MAP2: variants seen among roughly 807,000 people sequenced by gnomAD.
MAP2 encodes microtubule associated protein 2, also known as microtubule-associated protein 2.
Under a neutral mutation model 137.6 loss-of-function variants are expected in MAP2, and 14 were observed. The ratio of observed to expected loss-of-function variants is 0.10; its 90% CI spans 0.07 to 0.16. The LOEUF (loss-of-function observed/expected upper bound fraction) is 0.16. Ranked by LOEUF, MAP2 falls within the 10% of genes least tolerant of loss-of-function variation. MAP2 has a pLI of 1.00. For missense variants in MAP2, 2,088 were observed against 2,191.5 expected (o/e 0.95, Z 0.94); for synonymous variants, 786 against 782.3 (o/e 1.00, Z -0.08).
intron 1 of MAP2, among the ~76,000 whole-genome samples, chr2:209,428,823 C>T (rs1003236594): frequency 1.3e-5 from 2 of 152,004 alleles, no homozygotes; most frequent in African/African-American, 2.4e-5. Flanking sequence ...CTATTTCTCC[C>T]GATTAGTTTG....
Position 209,695,921 on chromosome 2 carries a change from C to T in MAP2, c.3751C>T (p.Arg1251Cys), listed in dbSNP as rs141848998. 17 of 1,614,032 alleles carry T rather than the reference C, an allele frequency of 1.1e-5. No individual in the cohort carries two copies. Among genetic ancestry groups the T allele is most frequent in the East Asian group, 2.2e-5 (1 of 44,862 alleles). ...GGGAGAATATGATAAACTGCTCTTC[C>T]GCTCAGACACCCTTCAGATAACTGA... ...AQGEYDKLLF[R>C]SDTLQITDLG... Residue 1251 changes from arginine (R) to cysteine (C), a missense_variant, in exon 8 of 16, where the codon CGC (arginine) becomes TGC (cysteine). By Grantham distance (180) the Arg-to-Cys change is radical. Transcript: ENST00000682079.
intron 1 of MAP2, among the ~76,000 whole-genome samples, chr2:209,443,168 A>G (rs1698232577): frequency 6.6e-6 from 1 of 151,176 alleles, no homozygotes; most frequent in Non-Finnish European, 1.5e-5. Context: ...AGAAATACCA[A>G]TCTACTATAG....
intron 3 of MAP2, among the ~76,000 whole-genome samples, chr2:209,595,043 A>G (rs895990952): frequency 3.9e-5 from 6 of 152,222 alleles, no homozygotes; most frequent in East Asian, 3.9e-4. Flanking sequence ...TCCTTCTACA[A>G]TTCTAAAGAA....
intron 11 of MAP2, 115 bp from the exon 12 acceptor site, chr2:209,705,465 T>C: frequency 5.4e-6 from 4 of 741,126 alleles, no homozygotes; most frequent in South Asian, 6.0e-5. Context: ...ATCCAGTAGT[T>C]TGTATTAAAA....
intron 2 of MAP2, among the ~76,000 whole-genome samples, chr2:209,519,217 T>A (rs1453809512): frequency 6.6e-6 from 1 of 152,034 alleles, no homozygotes; most frequent in African/African-American, 2.4e-5. Flanking sequence ...GAAATCTCAC[T>A]TTTCTATATT....
At chr2:209,573,763 C>T (rs951110893) in intron 2 of MAP2, among the ~76,000 whole-genome samples, 6 of 152,124 alleles carry the variant, frequency 3.9e-5, no homozygotes, top group African/African-American at 1.2e-4. Context: ...GAAGGCCCTA[C>T]GCATTAGTTG....
intron 1 of MAP2, among the ~76,000 whole-genome samples, chr2:209,447,464 G>A (rs1477758700): frequency 1.3e-5 from 2 of 151,940 alleles, no homozygotes; most frequent in African/African-American, 2.4e-5. Context: ...ATAACCCCAG[G>A]CTACTGAAAT....
At chr2:209,467,140 G>T (rs539188004) in intron 1 of MAP2, among the ~76,000 whole-genome samples, 1 of 152,216 alleles carries the variant, frequency 6.6e-6, no homozygotes, top group African/African-American at 2.4e-5. Flanking sequence ...CATTTAATTT[G>T]TACAAATTGT....
At position 209,588,108 on chromosome 2, in the gene MAP2, A is replaced by G. The variant is rs115860842; in HGVS notation, c.-107+8008A>G. ...AAGCTAAGAAAAATGAGTGTTGTAC[A>G]TGGGTGTGTGTATGTGTCAGTCTAC... is the stretch of plus-strand genomic sequence containing the variant. On this transcript the variant is annotated intron_variant, in intron 3 of 15. Coordinates refer to ENST00000682079, the MANE Select transcript of MAP2 (RefSeq NM_001375505.1). Among the ~76,000 whole-genome samples the G allele has an allele frequency of 7.8e-3, 1,195 of 152,268 alleles. 10 individuals are homozygous for G. The highest frequency in any genetic ancestry group is 0.026 in the South Asian group (127 of 4,816).
intron 3 of MAP2, among the ~76,000 whole-genome samples, chr2:209,583,206 T>C (rs1228580346): frequency 3.0e-5 from 4 of 135,396 alleles, no homozygotes; most frequent in African/African-American, 6.1e-5. Flanking sequence ...ATCTATCTAT[T>C]TATCTATGGT....
At position 209,732,729 on chromosome 2, in the gene MAP2, A is replaced by C. The variant is rs1235674477; in HGVS notation, c.*2332A>C. 6.5e-6 allele frequency: 1 copy of C among 152,686 alleles called. No individual in the cohort carries two copies. The highest frequency in any genetic ancestry group is 1.9e-4 in the East Asian group (1 of 5,196). 9.5% of individuals were successfully genotyped at this position (152,686 alleles called of 1,614,324 possible). ...AGTTAACACTAGGTAAACATTCTGCATACTAGAAGTCAGTTTATTACAAAT... is the reference window on the plus strand; with the variant it reads ...AGTTAACACTAGGTAAACATTCTGCCTACTAGAAGTCAGTTTATTACAAAT... On this transcript the variant is annotated 3_prime_UTR_variant, in exon 16 of 16. Transcript: ENST00000682079.
At chr2:209,610,765 A>T (rs2086573101) in intron 3 of MAP2, among the ~76,000 whole-genome samples, 1 of 152,164 alleles carries the variant, frequency 6.6e-6, no homozygotes, top group Non-Finnish European at 1.5e-5. Flanking sequence ...TACAATAAAC[A>T]TGTTTTAGAC....
chr2:209,728,556 G>A (rs1425259473), intron 14 of MAP2, among the ~76,000 whole-genome samples: 1 of 152,198 alleles, frequency 6.6e-6, no homozygotes, highest in Non-Finnish European at 1.5e-5. Flanking sequence ...GAGGCCCCTG[G>A]CCAGGCAGTT....
At chr2:209,633,232 C>T (rs1343717696) in intron 4 of MAP2, among the ~76,000 whole-genome samples, 4 of 152,130 alleles carry the variant, frequency 2.6e-5, no homozygotes, top group Admixed American at 2.6e-4. Flanking sequence ...TGTCTGCCTT[C>T]CAAAAGCCTA....
chr2:209,644,053 C>A (rs1249276760), intron 4 of MAP2, among the ~76,000 whole-genome samples: 2 of 152,104 alleles, frequency 1.3e-5, no homozygotes, highest in Non-Finnish European at 2.9e-5. Flanking sequence ...TCAGAGTCAC[C>A]CTATTGAGCT....
chr2:209,499,033 A>G (rs923284955), intron 1 of MAP2, among the ~76,000 whole-genome samples: 2 of 152,176 alleles, frequency 1.3e-5, no homozygotes, highest in African/African-American at 4.8e-5. Context: ...TTTCTCTGCC[A>G]CATGGTTAGA....
chr2:209,442,156 G>A (rs1574948062), intron 1 of MAP2, among the ~76,000 whole-genome samples: 1 of 151,632 alleles, frequency 6.6e-6, no homozygotes, highest in Admixed American at 6.6e-5. Context: ...TACATACATA[G>A]AGTATACTCA....
chr2:209,466,787 T>C (rs1172248719), intron 1 of MAP2, among the ~76,000 whole-genome samples: 1 of 152,206 alleles, frequency 6.6e-6, no homozygotes, highest in African/African-American at 2.4e-5. Context: ...TCTAATGACA[T>C]GGCAAAAAGC....
chr2:209,428,112 G>A (rs1250202467), intron 1 of MAP2, among the ~76,000 whole-genome samples: 1 of 152,166 alleles, frequency 6.6e-6, no homozygotes, highest in African/African-American at 2.4e-5. Flanking sequence ...TTAAAATGAT[G>A]TGAACACAAT....
Sources: gnomAD v4.1 joint callset for allele counts (sites outside exome capture counted in the v4.1 genomes callset) on GRCh38, gnomAD v4.1.1 for gene constraint, MANE v1.5 for transcripts, NCBI Gene and HGNC (gene_info 2026-07-23, HGNC 2026-07-21) for gene names.